UNC5D: variants seen among roughly 807,000 people sequenced by gnomAD.
The protein encoded by UNC5D is netrin receptor UNC5D.
UNC5D carries 39 observed loss-of-function variants against 105.4 expected under a neutral mutation model. The ratio of observed to expected loss-of-function variants is 0.37; its 90% CI spans 0.29 to 0.48. The LOEUF (loss-of-function observed/expected upper bound fraction) is 0.48, where lower values mean the gene tolerates loss of function less well. Ranked by LOEUF, UNC5D falls within the 20% of genes least tolerant of loss-of-function variation. The pLI, the probability that UNC5D is intolerant of heterozygous loss-of-function variation, is 0.98. For synonymous variants in UNC5D, 452 were observed against 450.4 expected, an observed-to-expected ratio of 1.00 and a Z score of -0.04; for missense variants, 991 against 1,202.4, an observed-to-expected ratio of 0.82 and a Z score of 2.60.
chr8:35,357,252 A>C (rs1801610122), intron 1 of UNC5D, among the ~76,000 whole-genome samples: 1 of 152,184 alleles, frequency 6.6e-6, no homozygotes, highest in South Asian at 2.1e-4. Context: ...TACCACGAGA[A>C]AAAAGTCAAA....
chr8:35,625,291 G>A (rs1285764653), intron 4 of UNC5D, among the ~76,000 whole-genome samples: 4 of 152,046 alleles, frequency 2.6e-5, no homozygotes, highest in African/African-American at 9.7e-5. Flanking sequence ...TTTAACACAG[G>A]GTTTGGCACT....
chr8:35,296,424 C>CT lies in UNC5D; in HGVS notation c.103+60546dup, dbSNP rs377208422. Among the ~76,000 whole-genome samples the CT allele has an allele frequency of 2.3e-3, 341 of 151,370 alleles. 1 individual carries two copies. Among genetic ancestry groups the CT allele is most frequent in the Non-Finnish European group, 3.2e-3 (219 of 67,714 alleles). On this transcript the variant is annotated intron_variant, in intron 1 of 16. Coordinates refer to ENST00000404895, the MANE Select transcript of UNC5D (RefSeq NM_080872.4). ...TCCCATGAGTAGTTGTGTTAAGAAT[C>CT]TTTTTTTTTGTTGAGATGGAGTTTT... is the stretch of plus-strand genomic sequence containing the variant.
At chr8:35,329,631 C>A (rs769590688) in intron 1 of UNC5D, among the ~76,000 whole-genome samples, 1 of 151,836 alleles carries the variant, frequency 6.6e-6, no homozygotes, top group South Asian at 2.1e-4. Context: ...AGGCCATGAT[C>A]GGGTATGCTA....
chr8:35,583,018 G>C (rs1216327333), intron 3 of UNC5D, among the ~76,000 whole-genome samples: 1 of 152,154 alleles, frequency 6.6e-6, no homozygotes, highest in East Asian at 1.9e-4. Context: ...AGGAGTTGTA[G>C]AAATTAAGCT....
chr8:35,429,480 G>A (rs1478434948), intron 1 of UNC5D, among the ~76,000 whole-genome samples: 1 of 152,056 alleles, frequency 6.6e-6, no homozygotes, highest in South Asian at 2.1e-4. Flanking sequence ...TAAGATTTTA[G>A]ATACTGATGT....
chr8:35,588,798 T>C (rs1247149485), intron 3 of UNC5D, among the ~76,000 whole-genome samples: 2 of 152,194 alleles, frequency 1.3e-5, no homozygotes, highest in East Asian at 1.9e-4. Context: ...CCCAGCACTT[T>C]GGGAGGCCAA....
At chr8:35,595,918 G>A (rs1254427855) in intron 4 of UNC5D, among the ~76,000 whole-genome samples, 1 of 152,098 alleles carries the variant, frequency 6.6e-6, no homozygotes, top group East Asian at 1.9e-4. Context: ...TTGGTTCTGG[G>A]GACCTTGAAT....
intron 7 of UNC5D, among the ~76,000 whole-genome samples, chr8:35,700,164 C>A (rs1827090035): frequency 6.6e-6 from 1 of 152,330 alleles, no homozygotes; most frequent in Non-Finnish European, 1.5e-5. Context: ...CCTTGGATAG[C>A]ATTCAGAGGG....
At chr8:35,328,653 G>C (rs1421357045) in intron 1 of UNC5D, among the ~76,000 whole-genome samples, 1 of 152,056 alleles carries the variant, frequency 6.6e-6, no homozygotes. Flanking sequence ...AGGCAGACAA[G>C]GCTTGAATTT....
intron 1 of UNC5D, among the ~76,000 whole-genome samples, chr8:35,390,210 A>G (rs1803684054): frequency 6.6e-6 from 1 of 152,192 alleles, no homozygotes; most frequent in South Asian, 2.1e-4. Context: ...GGACAATACC[A>G]AGAGGGATGG....
At chr8:35,323,682 C>T (rs555567503) in intron 1 of UNC5D, among the ~76,000 whole-genome samples, 72 of 152,256 alleles carry the variant, frequency 4.7e-4, no homozygotes, top group African/African-American at 1.7e-3. Context: ...GGGGCAGGCA[C>T]TCTTCTTGTC....
At chr8:35,310,309 T>C (rs577835361) in intron 1 of UNC5D, among the ~76,000 whole-genome samples, 2 of 152,278 alleles carry the variant, frequency 1.3e-5, no homozygotes, top group African/African-American at 4.8e-5. Context: ...CCTGAAATTG[T>C]TAGGCTTTCA....
chr8:35,688,611 T>C (rs1826184764), intron 7 of UNC5D, among the ~76,000 whole-genome samples: 1 of 152,216 alleles, frequency 6.6e-6, no homozygotes, highest in African/African-American at 2.4e-5. Flanking sequence ...CTCCAATAAA[T>C]GCACACCAAC....
At chr8:35,765,451 CA>C (rs1219488718) in intron 14 of UNC5D, among the ~76,000 whole-genome samples, 2 of 152,110 alleles carry the variant, frequency 1.3e-5, no homozygotes, top group Non-Finnish European at 2.9e-5. Flanking sequence ...GGATTAATAA[CA>C]AACAAAACGA....
At chr8:35,534,927 A>G (rs1461607195) in intron 1 of UNC5D, among the ~76,000 whole-genome samples, 1 of 151,918 alleles carries the variant, frequency 6.6e-6, no homozygotes, top group Non-Finnish European at 1.5e-5. Context: ...ACTCCCACAT[A>G]TTTGCTCTAG....
intron 1 of UNC5D, among the ~76,000 whole-genome samples, chr8:35,490,556 GC>G (rs1811146048): frequency 6.6e-6 from 1 of 151,896 alleles, no homozygotes; most frequent in Non-Finnish European, 1.5e-5. Context: ...AGAATTTCGG[GC>G]CTTCATGGAA....
At chr8:35,692,471 C>T (rs1026957547) in intron 7 of UNC5D, among the ~76,000 whole-genome samples, 1 of 152,206 alleles carries the variant, frequency 6.6e-6, no homozygotes, top group Admixed American at 6.5e-5. Flanking sequence ...TAGCTCTACA[C>T]ATTTAAAACA....
chr8:35,472,826 A>C (rs1044418851), intron 1 of UNC5D, among the ~76,000 whole-genome samples: 1 of 152,170 alleles, frequency 6.6e-6, no homozygotes, highest in African/African-American at 2.4e-5. Flanking sequence ...TTGGCCTCAC[A>C]TGAAGGGTAG....
At chr8:35,258,361 A>G (rs1422939870) in intron 1 of UNC5D, among the ~76,000 whole-genome samples, 1 of 152,226 alleles carries the variant, frequency 6.6e-6, no homozygotes, top group Admixed American at 6.5e-5. Context: ...AGAGACACAA[A>G]CATTCAAACC....
Sources: gnomAD v4.1 joint callset for allele counts (sites outside exome capture counted in the v4.1 genomes callset) on GRCh38, gnomAD v4.1.1 for gene constraint, MANE v1.5 for transcripts, NCBI Gene and HGNC (gene_info 2026-07-23, HGNC 2026-07-21) for gene names.